Variants in VILL observed in about 807,000 individuals in gnomAD.
VILL encodes the protein villin-like protein.
Under a neutral mutation model 106.3 loss-of-function variants are expected in VILL, and 102 were observed. That is an observed-to-expected ratio of 0.96 (90% CI 0.82 to 1.13). The LOEUF is 1.13. Ranked by LOEUF, VILL falls within the 50% of genes most tolerant of loss-of-function variation. The pLI is 0.00. For synonymous variants in VILL, 431 were observed against 440.3 expected, an observed-to-expected ratio of 0.98 and a Z score of 0.27; for missense variants, 1,076 against 1,116.6, an observed-to-expected ratio of 0.96 and a Z score of 0.52.
At chr3:37,990,136 C>G (rs375324649), upstream of VILL, among the ~76,000 whole-genome samples, 54 of 152,316 alleles carry the variant, frequency 3.5e-4, 3 homozygotes, top group Admixed American at 1.7e-3. The surrounding 1 kb of genome is among the most constrained non-coding windows in gnomAD (Gnocchi z 5.1). Context: ...TGCAGCCCCT[C>G]CACCCCACAG....
Position 37,997,146 on chromosome 3 carries a change from C to T in VILL, c.520C>T (p.Gln174Ter). 3 of 1,614,124 alleles carry T rather than the reference C, an allele frequency of 1.9e-6. No individual in the cohort carries two copies. Among genetic ancestry groups the T allele is most frequent in the Non-Finnish European group, 2.5e-6 (3 of 1,180,008 alleles). Reference sequence around the variant, plus strand: ...GCTGGACCTAGGCAAGATGATGATTCAGTGGAATGGGCCCAAGACCAGCAT... The same window carrying T: ...GCTGGACCTAGGCAAGATGATGATTTAGTGGAATGGGCCCAAGACCAGCAT... ...FLLDLGKMMI[Q>*]WNGPKTSISE... Residue 174 changes from glutamine to a stop codon, truncating the protein, a stop_gained, in exon 6 of 20, where the codon CAG becomes TAG. Transcript: ENST00000383759. LOFTEE classifies it high-confidence loss of function. The surrounding 1 kb of genome is among the most constrained non-coding windows in gnomAD (Gnocchi z 4.7).
intron 16 of VILL, 124 bp from the exon 17 acceptor site, chr3:38,005,668 C>A: frequency 9.4e-7 from 1 of 1,065,574 alleles, no homozygotes; most frequent in Non-Finnish European, 1.3e-6. Context: ...CTGGGTGTGT[C>A]TGCTTGGCCA....
Position 37,997,366 on chromosome 3 carries a change from T to A in VILL, c.562-117T>A, listed in dbSNP as rs1270976010. On this transcript the variant is annotated intron_variant, in intron 6 of 19. Transcript: ENST00000383759. The surrounding 1 kb of genome is among the most constrained non-coding windows in gnomAD (Gnocchi z 4.7). The stretch of plus-strand genomic sequence containing the variant: ...GTTGGTGTCCCCCTGGATGCCAGGA[T>A]GAGGGGACATCAGCCCTTCTCCCCA... 2 of 1,222,594 alleles carry A rather than the reference T, an allele frequency of 1.6e-6. No individual in the cohort carries two copies. Among genetic ancestry groups the A allele is most frequent in the East Asian group, 2.5e-5 (1 of 40,718 alleles). The allele number at this position is 1,222,594 out of a possible 1,614,324, so 75.7% of individuals were successfully genotyped here. A position where few individuals can be genotyped will look rare whatever the true frequency, so the allele number is the denominator to read the frequency against.
chr3:37,989,670 G>C (rs1352491451), upstream of VILL, among the ~76,000 whole-genome samples: 1 of 152,152 alleles, frequency 6.6e-6, no homozygotes, highest in Non-Finnish European at 1.5e-5. Flanking sequence ...AGACAAAAAG[G>C]GACAGGGAAA....
chr3:37,999,150 C>CG, intron 10 of VILL, 100 bp downstream of exon 10: 1 of 127,540 alleles, frequency 7.8e-6, no homozygotes, highest in Non-Finnish European at 1.2e-5. Context: ...GCGGGCGGGG[C>CG]GGGGCCGGAG....
intron 15 of VILL, chr3:38,003,688 T>C: frequency 4.2e-6 from 1 of 238,338 alleles, no homozygotes; most frequent in Non-Finnish European, 8.3e-6. Flanking sequence ...TGTGTGTGGA[T>C]GTGCAAGAAC....
At chr3:37,993,502 G>A in intron 1 of VILL, 85 bp from the exon 2 acceptor site, 1 of 628,978 alleles carries the variant, frequency 1.6e-6, no homozygotes, top group Non-Finnish European at 2.8e-6. Flanking sequence ...GTCACTTGCT[G>A]CAGAATCTGA....
chr3:37,997,342 T>A lies in VILL; in HGVS notation c.562-141T>A. On this transcript the variant is annotated intron_variant, in intron 6 of 19. Transcript: ENST00000383759. This position sits in a 1 kb window ranked among gnomAD's most constrained non-coding sequence, Gnocchi z 4.7. ...CAAGCTGAGTTCAGACCCTGCATTGTTGGTGTCCCCCTGGATGCCAGGATG... is the reference window on the plus strand; with the variant it reads ...CAAGCTGAGTTCAGACCCTGCATTGATGGTGTCCCCCTGGATGCCAGGATG... 8.6e-7 allele frequency: 1 copy of A among 1,161,968 alleles called. No individual in the cohort carries two copies. Among genetic ancestry groups the A allele is most frequent in the East Asian group, 2.5e-5 (1 of 39,914 alleles). The allele number at this position is 1,161,968 out of a possible 1,614,324, so 72.0% of individuals were successfully genotyped here.
rs1575335843 is a variant in VILL, at chr3:37,997,987, C to A, written c.765-103C>A. 31 of 1,225,182 alleles carry A rather than the reference C, an allele frequency of 2.5e-5. No homozygotes were observed. Among genetic ancestry groups the A allele is most frequent in the Non-Finnish European group, 3.5e-5 (31 of 883,732 alleles). The allele number at this position is 1,225,182 out of a possible 1,614,324, so 75.9% of individuals were successfully genotyped here. ...ACAACTCGGGGCCCCAGCCCCCATG[C>A]CTTCTGTCTCTGAGGGACTGGGGTG... On this transcript the variant is annotated intron_variant, in intron 7 of 19. Transcript: ENST00000383759. This position sits in a 1 kb window ranked among gnomAD's most constrained non-coding sequence, Gnocchi z 4.7.
chr3:37,997,944 G>T lies in VILL; in HGVS notation c.765-146G>T. 3 of 835,270 alleles carry T rather than the reference G, an allele frequency of 3.6e-6. No individual in the cohort carries two copies. The highest frequency in any genetic ancestry group is 1.8e-5 in the South Asian group (1 of 56,020). The allele number at this position is 835,270 out of a possible 1,614,324, so 51.7% of individuals were successfully genotyped here. ...CTGCCTAAAGCTCCACAGCAAGGCTGCAGTAAAAGTGAAGACTACAACTCG... is the reference window on the plus strand; with the variant it reads ...CTGCCTAAAGCTCCACAGCAAGGCTTCAGTAAAAGTGAAGACTACAACTCG... On this transcript the variant is annotated intron_variant, in intron 7 of 19. Transcript: ENST00000383759. The surrounding 1 kb of genome is among the most constrained non-coding windows in gnomAD (Gnocchi z 4.7).
chr3:38,006,244 A>G lies in VILL; in HGVS notation c.2197A>G (p.Ile733Val). Residue 733 changes from isoleucine to valine, a missense_variant, in exon 18 of 20, where the codon ATA (isoleucine) becomes GTA (valine). Ile to Val is a conservative substitution (Grantham distance 29). Transcript: ENST00000383759. ...GGCAGCAGCATCAACCATCTCTGAGATAACAGCAGTGAGTCCTGGGGCCCC... is the reference window on the plus strand; with the variant it reads ...GGCAGCAGCATCAACCATCTCTGAGGTAACAGCAGTGAGTCCTGGGGCCCC... ...SPAAASTISE[I>V]TAEVNNLRLS... The G allele has an allele frequency of 7.4e-6, 12 of 1,614,218 alleles. No individual in the cohort carries two copies. The highest frequency in any genetic ancestry group is 1.0e-5 in the Non-Finnish European group (12 of 1,180,032).
Position 37,994,224 on chromosome 3 carries a change from TC to T in VILL, c.136-33del, listed in dbSNP as rs549036386. On this transcript the variant is annotated intron_variant, in intron 3 of 19. Coordinates refer to ENST00000383759, the MANE Select transcript of VILL (RefSeq NM_015873.4). ...CCCTTCTCCACCCGCACCTCCGTCT[TC>T]CCCGCAACACATATACACAAACACC... 1.3e-4 allele frequency: 212 copies of T among 1,571,942 alleles called. 2 individuals carry two copies. In the South Asian group the frequency reaches 2.4e-3, roughly 18 times the overall value.
intron 1 of VILL, among the ~76,000 whole-genome samples, chr3:37,993,151 C>T (rs1041989171): frequency 1.3e-5 from 2 of 152,240 alleles, no homozygotes; most frequent in African/African-American, 4.8e-5. Flanking sequence ...CCAGGTACTT[C>T]TCATTCCATG....
chr3:38,004,450 G>A (rs1246322689), intron 16 of VILL, 51 bp downstream of exon 16: 1 of 1,579,698 alleles, frequency 6.3e-7, no homozygotes, highest in African/African-American at 1.3e-5. Flanking sequence ...GTGTGTTTCT[G>A]TTTGTGTAAC....
chr3:37,990,360 C>A (rs1167559550), upstream of VILL, among the ~76,000 whole-genome samples: 2 of 152,202 alleles, frequency 1.3e-5, no homozygotes, highest in African/African-American at 4.8e-5. The surrounding 1 kb of genome is among the most constrained non-coding windows in gnomAD (Gnocchi z 5.1). Context: ...TCTCACAGAG[C>A]CTGACCCCAC....
chr3:38,006,570 C>T lies in VILL; in HGVS notation c.2327C>T (p.Ser776Leu), dbSNP rs144844645. 1.5e-5 allele frequency: 25 copies of T among 1,614,160 alleles called. No individual in the cohort carries two copies. Among genetic ancestry groups the T allele is most frequent in the South Asian group, 1.1e-4 (10 of 91,090 alleles). The change falls in exon 19 of 20, where the codon TCG becomes TTG. Residue 776 changes from serine to leucine, a missense_variant. Transcript: ENST00000383759. ...AATGATCTGGTGCGAAGCCCCAAGTCGGCTGGCAGCAGAACCAGCAGCTCC... is the reference window on the plus strand; with the variant it reads ...AATGATCTGGTGCGAAGCCCCAAGTTGGCTGGCAGCAGAACCAGCAGCTCC... ...SENDLVRSPK[S>L]AGSRTSSSVS...
At chr3:37,995,951 G>A in intron 5 of VILL, 104 bp downstream of exon 5, 1 of 865,778 alleles carries the variant, frequency 1.2e-6, no homozygotes, top group Non-Finnish European at 1.9e-6. Context: ...GGAACAAGGA[G>A]CTGTCAGCAT....
chr3:37,998,855 C>CGGCAGTGG lies in VILL; in HGVS notation c.943-48_943-41dup. On this transcript the variant is annotated intron_variant, in intron 9 of 19. Transcript: ENST00000383759. The surrounding 1 kb of genome is among the most constrained non-coding windows in gnomAD (Gnocchi z 4.1). ...TCCCAGAGCGGTAGGTCCCCAGGAG[C>CGGCAGTGG]GGCAGTGGGGCAGTGGACTCTCAGG... The CGGCAGTGG allele has an allele frequency of 6.5e-7, 1 of 1,546,226 alleles. No homozygotes were observed.
In VILL at chr3:37,993,607, CG is replaced by C; in HGVS notation, c.-64del. ...TGAAGTTGTACAGGTAGCCAGGTGTCGGTCTCCAGCCTGAGAACTCTGGCTG... is the reference window on the plus strand; with the variant it reads ...TGAAGTTGTACAGGTAGCCAGGTGTCGTCTCCAGCCTGAGAACTCTGGCTG... On this transcript the variant is annotated 5_prime_UTR_variant, in exon 2 of 20. Transcript: ENST00000383759. The C allele has an allele frequency of 6.6e-7, 1 of 1,514,266 alleles. No individual in the cohort carries two copies. The highest frequency in any genetic ancestry group is 9.1e-7 in the Non-Finnish European group (1 of 1,097,562). The allele number at this position is 1,514,266 out of a possible 1,614,324, so 93.8% of individuals were successfully genotyped here.
Sources: gnomAD v4.1 joint callset for allele counts (sites outside exome capture counted in the v4.1 genomes callset) on GRCh38, gnomAD v4.1.1 for gene constraint, Gnocchi (gnomAD v3.1) non-coding constraint, MANE v1.5 for transcripts, NCBI Gene and HGNC (gene_info 2026-07-23, HGNC 2026-07-21) for gene names.